POLQ: variants seen among roughly 807,000 people sequenced by gnomAD.
POLQ encodes the protein DNA polymerase theta.
Under a neutral mutation model 259.2 loss-of-function variants are expected in POLQ, and 233 were observed. The ratio of observed to expected loss-of-function variants is 0.90; its 90% CI spans 0.81 to 1.00. The LOEUF (loss-of-function observed/expected upper bound fraction) is 1.00, where lower values mean the gene tolerates loss of function less well. Ranked by LOEUF, POLQ falls within the 50% of genes least tolerant of loss-of-function variation. The pLI, the probability that POLQ is intolerant of heterozygous loss-of-function variation, is 0.00. For missense variants in POLQ, 2,871 were observed against 3,051.6 expected (o/e 0.94, Z 1.39); for synonymous variants, 1,025 against 1,048.8 (o/e 0.98, Z 0.44).
chr3:121,524,792 A>G (rs1415123144), intron 7 of POLQ, among the ~76,000 whole-genome samples: 1 of 152,184 alleles, frequency 6.6e-6, no homozygotes, highest in Admixed American at 6.5e-5. Context: ...GGTGTTGATT[A>G]TATTATGGTT....
At chr3:121,474,406 A>G (rs2047909656) in intron 20 of POLQ, among the ~76,000 whole-genome samples, 2 of 152,214 alleles carry the variant, frequency 1.3e-5, no homozygotes, top group Admixed American at 1.3e-4. Context: ...GGAAGACCCC[A>G]TGTAACACTC....
chr3:121,468,204 CATAAA>C, intron 23 of POLQ, 96 bp downstream of exon 23: 1 of 1,024,500 alleles, frequency 9.8e-7, no homozygotes, highest in Non-Finnish European at 1.4e-6. Context: ...ATGTCTGAAA[CATAAA>C]ATTAAATTAA....
rs2048489090 is a variant in POLQ, at chr3:121,541,446, T to C, written c.377A>G (p.Glu126Gly). ...PTSAGKTLVA[E>G]LLILKRVLEM... ...CAAAACCCGCTTCAAAATAAGTAAT[T>C]CTGCCACAAGAGTCTTCCCAGCACT... Residue 126 changes from glutamate to glycine, a missense_variant, in exon 3 of 30, where the codon GAA becomes GGA. Glu to Gly is a moderately conservative substitution (Grantham distance 98). Coordinates refer to ENST00000264233, the MANE Select transcript of POLQ (RefSeq NM_199420.4). 6 of 1,611,122 alleles carry C rather than the reference T, an allele frequency of 3.7e-6. No homozygotes were observed. The highest frequency in any genetic ancestry group is 5.1e-6 in the Non-Finnish European group (6 of 1,178,492).
At chr3:121,472,543 C>T (rs540954407) in intron 21 of POLQ, among the ~76,000 whole-genome samples, 31 of 152,232 alleles carry the variant, frequency 2.0e-4, no homozygotes, top group African/African-American at 7.5e-4. Flanking sequence ...TGTGCTTGCC[C>T]GGATACTTAT....
In POLQ at chr3:121,476,628, A is replaced by G. The variant is rs756110988; in HGVS notation, c.6317T>C (p.Met2106Thr). 3.1e-6 allele frequency: 5 copies of G among 1,613,880 alleles called. No homozygotes were observed. The highest frequency in any genetic ancestry group is 4.2e-6 in the Non-Finnish European group (5 of 1,179,900). The change falls in exon 20 of 30, where the codon ATG (methionine) becomes ACG (threonine). Residue 2106 changes from methionine to threonine, a missense_variant. Met to Thr is a moderately conservative substitution (Grantham distance 81). Transcript: ENST00000264233. Reference sequence around the variant, plus strand: ...CTCAATTGCATCCAGCTTGGCTTGCATTATATGTTTCTGACTTTCACATTC... The same window carrying G: ...CTCAATTGCATCCAGCTTGGCTTGCGTTATATGTTTCTGACTTTCACATTC... Reference protein sequence around the residue: ...TAECESQKHIMQAKLDAIETQ... With the variant: ...TAECESQKHITQAKLDAIETQ...
chr3:121,514,481 C>A (rs953330526), intron 9 of POLQ, among the ~76,000 whole-genome samples: 1 of 151,924 alleles, frequency 6.6e-6, no homozygotes, highest in African/African-American at 2.4e-5. Flanking sequence ...GACCTCATCA[C>A]CCCTTCCACT....
intron 23 of POLQ, 71 bp downstream of exon 23, chr3:121,468,234 C>T (rs967225559): frequency 5.0e-6 from 6 of 1,189,022 alleles, no homozygotes; most frequent in Non-Finnish European, 6.0e-6. Context: ...ATTTATTTGT[C>T]TAATAAGCTA....
chr3:121,450,229 T>C (rs1458057021), intron 25 of POLQ, among the ~76,000 whole-genome samples: 1 of 152,178 alleles, frequency 6.6e-6, no homozygotes, highest in East Asian at 1.9e-4. Flanking sequence ...GCAAGCTCTG[T>C]ATAAATATCA....
chr3:121,519,361 T>TTG (rs2048321480), intron 9 of POLQ, among the ~76,000 whole-genome samples: 1 of 122,138 alleles, frequency 8.2e-6, no homozygotes, highest in Admixed American at 7.9e-5. Flanking sequence ...CAGTTGATGA[T>TTG]ATATATATAT....
chr3:121,496,976 C>G, intron 13 of POLQ, 44 bp from the exon 14 acceptor site: 1 of 1,603,698 alleles, frequency 6.2e-7, no homozygotes, highest in African/African-American at 1.3e-5. Context: ...TCCTTCACGT[C>G]TACTAGGCGA....
chr3:121,497,387 A>G (rs971587714), intron 13 of POLQ, among the ~76,000 whole-genome samples: 22 of 152,336 alleles, frequency 1.4e-4, no homozygotes, highest in African/African-American at 5.1e-4. Context: ...ATACTTAACC[A>G]TATTATAAAT....
intron 28 of POLQ, among the ~76,000 whole-genome samples, chr3:121,435,239 A>G (rs1157208596): frequency 6.6e-6 from 1 of 152,188 alleles, no homozygotes; most frequent in East Asian, 1.9e-4. Context: ...AGAAATATGG[A>G]ATGTGACAGA....
At chr3:121,477,050 C>G (rs1025040491) in intron 19 of POLQ, among the ~76,000 whole-genome samples, 1 of 152,190 alleles carries the variant, frequency 6.6e-6, no homozygotes, top group Non-Finnish European at 1.5e-5. Flanking sequence ...GCATAACAAT[C>G]AACCTTATTT....
chr3:121,497,365 T>C (rs1396647455), intron 13 of POLQ, among the ~76,000 whole-genome samples: 1 of 152,206 alleles, frequency 6.6e-6, no homozygotes, highest in East Asian at 1.9e-4. Context: ...TAAATCCAAG[T>C]ATATAAAATT....
chr3:121,478,289 C>G (rs1215203181), intron 19 of POLQ, among the ~76,000 whole-genome samples: 1 of 152,002 alleles, frequency 6.6e-6, no homozygotes, highest in East Asian at 1.9e-4. Flanking sequence ...GTAAGTCCTG[C>G]AGGGATCCTT....
At chr3:121,530,289 A>G (rs565616832) in intron 6 of POLQ, among the ~76,000 whole-genome samples, 28 of 152,300 alleles carry the variant, frequency 1.8e-4, no homozygotes, top group African/African-American at 6.7e-4. Flanking sequence ...TAAACACTTT[A>G]TTATAAAACA....
intron 26 of POLQ, 96 bp from the exon 27 acceptor site, chr3:121,440,212 G>T: frequency 1.2e-6 from 1 of 850,768 alleles, no homozygotes; most frequent in Non-Finnish European, 1.9e-6. Context: ...AAAACCCCAC[G>T]ATGATTCTTA....
At chr3:121,543,092 G>C (rs759002394) in intron 2 of POLQ, among the ~76,000 whole-genome samples, 2 of 152,188 alleles carry the variant, frequency 1.3e-5, no homozygotes, top group Non-Finnish European at 2.9e-5. Context: ...ATAATGAGCT[G>C]TACCAGGTAA....
rs774850146 is a variant in POLQ, at chr3:121,487,761, T to C, written c.5170A>G (p.Lys1724Glu). 22 of 1,613,102 alleles carry C rather than the reference T, an allele frequency of 1.4e-5. No individual in the cohort carries two copies. Among genetic ancestry groups the C allele is most frequent in the Admixed American group, 5.0e-5 (3 of 59,986 alleles). ...HDETSSLLPR[K>E]ESNIVDDNGL... ...TTATCATCAACTATATTACTTTCTT[T>C]ACGAGGTAAGAGGGATGAGGTTTCA... The change falls in exon 16 of 30, where the codon AAA becomes GAA. Residue 1724 changes from lysine to glutamate, a missense_variant. By Grantham distance (56) the Lys-to-Glu change is moderately conservative. Coordinates refer to ENST00000264233, the MANE Select transcript of POLQ (RefSeq NM_199420.4).
Sources: gnomAD v4.1 joint callset for allele counts (sites outside exome capture counted in the v4.1 genomes callset) on GRCh38, gnomAD v4.1.1 for gene constraint, MANE v1.5 for transcripts, NCBI Gene and HGNC (gene_info 2026-07-23, HGNC 2026-07-21) for gene names.